The following RALGAPA2 variants were observed in gnomAD, a reference collection of about 807,000 sequenced individuals.
The protein encoded by RALGAPA2 is ral GTPase-activating protein subunit alpha-2.
In RALGAPA2, 139 loss-of-function variants were observed where a neutral mutation model predicts 230.4. The ratio of observed to expected loss-of-function variants is 0.60; its 90% CI spans 0.53 to 0.69. The LOEUF is 0.69. Ranked by LOEUF, RALGAPA2 falls within the 30% of genes least tolerant of loss-of-function variation. RALGAPA2 has a pLI of 0.00. For missense variants in RALGAPA2, 2,163 were observed against 2,276.0 expected (o/e 0.95, Z 1.01); for synonymous variants, 847 against 837.8 (o/e 1.01, Z -0.19).
intron 14 of RALGAPA2, among the ~76,000 whole-genome samples, chr20:20,609,350 C>A (rs2065911824): frequency 6.6e-6 from 1 of 152,068 alleles, no homozygotes. Flanking sequence ...TAACCACTGC[C>A]AAAATAATAA....
At chr20:20,656,706 C>T (rs1170109638) in intron 3 of RALGAPA2, among the ~76,000 whole-genome samples, 1 of 152,134 alleles carries the variant, frequency 6.6e-6, no homozygotes, top group African/African-American at 2.4e-5. Context: ...AATAAGAACC[C>T]ACGTGAGCAT....
At chr20:20,555,590 C>A (rs1182820089) in intron 23 of RALGAPA2, among the ~76,000 whole-genome samples, 1 of 152,186 alleles carries the variant, frequency 6.6e-6, no homozygotes, top group Non-Finnish European at 1.5e-5. Flanking sequence ...TAAAGTCCTA[C>A]AGCAAGGTTT....
At chr20:20,424,966 C>T (rs1292338753) in intron 37 of RALGAPA2, among the ~76,000 whole-genome samples, 9 of 152,146 alleles carry the variant, frequency 5.9e-5, no homozygotes, top group Non-Finnish European at 8.8e-5. Context: ...AAATAAAATA[C>T]GTTACAGGTA....
intron 1 of RALGAPA2, among the ~76,000 whole-genome samples, chr20:20,698,112 T>C (rs2069189438): frequency 6.6e-6 from 1 of 151,966 alleles, no homozygotes; most frequent in East Asian, 1.9e-4. Context: ...AACATATACA[T>C]ACAGGTGGCT....
chr20:20,599,750 A>G (rs1431602526), intron 16 of RALGAPA2, among the ~76,000 whole-genome samples: 1 of 152,182 alleles, frequency 6.6e-6, no homozygotes. Flanking sequence ...AGACAGGCAA[A>G]TCACCTGAGA....
chr20:20,510,176 G>A (rs911328269), intron 33 of RALGAPA2, among the ~76,000 whole-genome samples: 1 of 152,142 alleles, frequency 6.6e-6, no homozygotes, highest in Non-Finnish European at 1.5e-5. Flanking sequence ...AGTGCAAGCA[G>A]GAGAAGCTCA....
intron 3 of RALGAPA2, among the ~76,000 whole-genome samples, chr20:20,667,630 G>C (rs1332342148): frequency 1.3e-5 from 2 of 152,196 alleles, no homozygotes; most frequent in East Asian, 3.8e-4. Context: ...TGGTTCACCT[G>C]CTGCAGTTTG....
At chr20:20,483,685 C>T (rs952255118) in intron 36 of RALGAPA2, among the ~76,000 whole-genome samples, 45 of 152,328 alleles carry the variant, frequency 3.0e-4, no homozygotes, top group Admixed American at 2.4e-3. Flanking sequence ...TGTGTACAGA[C>T]TTAGGAAACA....
intron 2 of RALGAPA2, among the ~76,000 whole-genome samples, chr20:20,679,800 C>T (rs1451923707): frequency 2.0e-5 from 3 of 152,174 alleles, no homozygotes; most frequent in African/African-American, 7.2e-5. Context: ...TCTCCCACTT[C>T]CCAAGAACCA....
chr20:20,573,867 T>G lies in RALGAPA2; in HGVS notation c.2708-799A>C, dbSNP rs35386335. Among the ~76,000 whole-genome samples, 272 of 152,364 alleles carry G rather than the reference T, an allele frequency of 1.8e-3. 2 individuals are homozygous for G. Among genetic ancestry groups the G allele is most frequent in the Non-Finnish European group, 2.4e-3 (166 of 68,034 alleles). On this transcript the variant is annotated intron_variant, in intron 20 of 39. Transcript: ENST00000202677. ...GATATTTAGATTTGTTCCTGTTTTT[T>G]GGCAATTATGAATACAGTTGCTATA...
chr20:20,449,703 T>A (rs1170551617), intron 37 of RALGAPA2, among the ~76,000 whole-genome samples: 1 of 152,186 alleles, frequency 6.6e-6, no homozygotes, highest in Non-Finnish European at 1.5e-5. Context: ...GCATGTCTGC[T>A]CCAAAGATAT....
chr20:20,649,358 G>A (rs1025580061), intron 4 of RALGAPA2, among the ~76,000 whole-genome samples: 1 of 152,204 alleles, frequency 6.6e-6, no homozygotes, highest in African/African-American at 2.4e-5. Context: ...AATGAGACTG[G>A]TCAGAGGCTA....
rs1361388631 is a variant in RALGAPA2, at chr20:20,637,380, A to G, written c.788T>C (p.Ile263Thr). The G allele has an allele frequency of 6.2e-7, 1 of 1,600,542 alleles. No homozygotes were observed. The highest frequency in any genetic ancestry group is 2.2e-5 in the East Asian group (1 of 44,572). Residue 263 changes from isoleucine (I) to threonine (T), a missense_variant, in exon 8 of 40, where the codon ATC (isoleucine) becomes ACC (threonine). Physicochemically the swap from Ile to Thr is moderately conservative, Grantham distance 89. Transcript: ENST00000202677. ...GTACTTACCAAGTACAGGTTTGTAG[A>G]TGTTTGTTAACTTAGTAAATGATGG... The part of the protein sequence containing the change: ...LFPSFTKLTN[I>T]YKPVLDIPHL...
At chr20:20,695,198 TTC>T (rs1323703562) in intron 1 of RALGAPA2, among the ~76,000 whole-genome samples, 3 of 152,222 alleles carry the variant, frequency 2.0e-5, no homozygotes, top group Non-Finnish European at 4.4e-5. Flanking sequence ...GACTTAAATT[TTC>T]TCTATCCAAC....
intron 33 of RALGAPA2, among the ~76,000 whole-genome samples, chr20:20,505,808 TG>T (rs2062516486): frequency 6.6e-6 from 1 of 152,178 alleles, no homozygotes; most frequent in Admixed American, 6.5e-5. Flanking sequence ...AAGCTGGGGA[TG>T]GGAACTGTCG....
chr20:20,642,053 T>C (rs1385494637), intron 5 of RALGAPA2, among the ~76,000 whole-genome samples: 1 of 138,672 alleles, frequency 7.2e-6, no homozygotes, highest in Non-Finnish European at 1.5e-5. Flanking sequence ...TGTCCTCCTC[T>C]CCCAAGCAGG....
At chr20:20,634,545 T>C (rs2066792451) in intron 9 of RALGAPA2, among the ~76,000 whole-genome samples, 1 of 152,190 alleles carries the variant, frequency 6.6e-6, no homozygotes, top group Admixed American at 6.5e-5. Context: ...TGTTCCTCCA[T>C]CAAGGTTCCT....
chr20:20,514,154 T>C (rs1353509730), intron 31 of RALGAPA2, among the ~76,000 whole-genome samples: 13 of 150,842 alleles, frequency 8.6e-5, no homozygotes, highest in Admixed American at 7.9e-4. Flanking sequence ...CACTCCATGC[T>C]TAGGCAGATC....
At chr20:20,708,602 G>C (rs1283845987) in intron 1 of RALGAPA2, among the ~76,000 whole-genome samples, 2 of 152,194 alleles carry the variant, frequency 1.3e-5, no homozygotes, top group Non-Finnish European at 1.5e-5. Flanking sequence ...GTGGAACTGT[G>C]AGTCAATTAA....
Sources: gnomAD v4.1 joint callset for allele counts (sites outside exome capture counted in the v4.1 genomes callset) on GRCh38, gnomAD v4.1.1 for gene constraint, MANE v1.5 for transcripts, NCBI Gene and HGNC (gene_info 2026-07-23, HGNC 2026-07-21) for gene names.